The following FOXN2 variants were observed in gnomAD, a reference collection of about 807,000 sequenced individuals.
FOXN2 encodes the protein forkhead box N2.
FOXN2 carries 19 observed loss-of-function variants against 41.2 expected under a neutral mutation model. That is an observed-to-expected ratio of 0.46 (90% CI 0.32 to 0.68). FOXN2 has a LOEUF of 0.68. Among genes scored for constraint, FOXN2 ranks in the 30% least tolerant of loss-of-function variants. The pLI is 0.03. For missense variants in FOXN2, 587 were observed against 509.4 expected, an observed-to-expected ratio of 1.15 and a Z score of -1.47; for synonymous variants, 195 against 176.8, an observed-to-expected ratio of 1.10 and a Z score of -0.82.
chr2:48,340,362 C>T (rs953298923), intron 2 of FOXN2, among the ~76,000 whole-genome samples: 1 of 152,166 alleles, frequency 6.6e-6, no homozygotes, highest in African/African-American at 2.4e-5. Flanking sequence ...AGCAAAAATG[C>T]TCTCCTATGA....
chr2:48,360,753 C>G lies in FOXN2; in HGVS notation c.638+1606C>G, dbSNP rs537379375. Among the ~76,000 whole-genome samples the G allele has an allele frequency of 3.4e-5, 5 of 149,054 alleles. No individual in the cohort carries two copies. In the East Asian group the frequency reaches 9.7e-4, roughly 29 times the overall value. On this transcript the variant is annotated intron_variant, in intron 4 of 6. Coordinates refer to ENST00000340553, the MANE Select transcript of FOXN2 (RefSeq NM_002158.4). ...ATTTAGAAACTAATGGTGAGTTCTA[C>G]TGATGTTCACCTATGTGTTTTACTT...
chr2:48,315,169 G>A (rs1049568179), intron 1 of FOXN2, among the ~76,000 whole-genome samples: 1 of 152,154 alleles, frequency 6.6e-6, no homozygotes, highest in Non-Finnish European at 1.5e-5. Context: ...GCGTGGAGGG[G>A]GCCCCAAGGA....
chr2:48,316,897 A>G (rs1232636153), intron 1 of FOXN2, among the ~76,000 whole-genome samples: 1 of 151,946 alleles, frequency 6.6e-6, no homozygotes, highest in Non-Finnish European at 1.5e-5. Context: ...CAGCAACACC[A>G]TTTTATTGGA....
chr2:48,319,717 C>A (rs1224253238), intron 1 of FOXN2, among the ~76,000 whole-genome samples: 1 of 149,802 alleles, frequency 6.7e-6, no homozygotes, highest in Non-Finnish European at 1.5e-5. Flanking sequence ...CTCAAGTGAT[C>A]CTCCTGCCTC....
intron 3 of FOXN2, 150 bp from the exon 4 acceptor site, chr2:48,358,897 A>G: frequency 3.4e-6 from 2 of 579,822 alleles, no homozygotes; most frequent in Non-Finnish European, 6.1e-6. Flanking sequence ...TTTAGTCACT[A>G]CAGTGCACAC....
At position 48,362,724 on chromosome 2, in the gene FOXN2, G is replaced by A; in HGVS notation, c.703+17G>A. On this transcript the variant is annotated intron_variant, in intron 5 of 6. Transcript: ENST00000340553. ...ACCTCAAAGGTATGTGTGAATATCA[G>A]TACAGTCATGCACCACACAACAATC... is the stretch of plus-strand genomic sequence containing the variant. 2 of 1,597,224 alleles carry A rather than the reference G, an allele frequency of 1.3e-6. No individual in the cohort carries two copies. The highest frequency in any genetic ancestry group is 1.1e-5 in the South Asian group (1 of 90,774).
intron 4 of FOXN2, among the ~76,000 whole-genome samples, chr2:48,361,003 G>T (rs1477330679): frequency 7.7e-6 from 1 of 130,094 alleles, no homozygotes; most frequent in African/African-American, 2.8e-5. Flanking sequence ...GACAGACTGA[G>T]ACCCCATCTC....
chr2:48,320,472 G>A (rs1254520237), intron 1 of FOXN2, among the ~76,000 whole-genome samples: 1 of 151,986 alleles, frequency 6.6e-6, no homozygotes, highest in Non-Finnish European at 1.5e-5. Flanking sequence ...TGTATTTTTA[G>A]TAGAGACAAG....
intron 1 of FOXN2, among the ~76,000 whole-genome samples, chr2:48,324,052 CT>C (rs1489744572): frequency 6.6e-5 from 10 of 151,998 alleles, no homozygotes; most frequent in Non-Finnish European, 1.2e-4. Flanking sequence ...TAAAAATTTT[CT>C]TTTGCTATAC....
chr2:48,359,611 TC>T (rs1672043750), intron 4 of FOXN2, among the ~76,000 whole-genome samples: 1 of 150,116 alleles, frequency 6.7e-6, no homozygotes, highest in Admixed American at 6.7e-5. Context: ...TCTTTTCTTT[TC>T]TTTTCTTTTC....
At chr2:48,337,205 C>A (rs1182377424) in intron 2 of FOXN2, among the ~76,000 whole-genome samples, 6 of 151,926 alleles carry the variant, frequency 3.9e-5, no homozygotes, top group Admixed American at 3.9e-4. Context: ...TAAGTGAGAA[C>A]ATGCGACGTT....
intron 3 of FOXN2, among the ~76,000 whole-genome samples, chr2:48,349,875 A>G (rs1671345396): frequency 6.6e-6 from 1 of 152,232 alleles, no homozygotes; most frequent in Non-Finnish European, 1.5e-5. Context: ...ATGTAAGAAA[A>G]AGAAGCCACC....
At chr2:48,369,047 CATAA>C (rs1166400909) in intron 5 of FOXN2, among the ~76,000 whole-genome samples, 3 of 152,148 alleles carry the variant, frequency 2.0e-5, no homozygotes, top group Admixed American at 1.3e-4. Flanking sequence ...AGTTATCTAC[CATAA>C]ATAAATCTAT....
chr2:48,360,236 A>G (rs1401995696), intron 4 of FOXN2, among the ~76,000 whole-genome samples: 2 of 152,152 alleles, frequency 1.3e-5, no homozygotes, highest in Admixed American at 1.3e-4. Flanking sequence ...AATTTATTAT[A>G]TACCTTCATT....
intron 2 of FOXN2, among the ~76,000 whole-genome samples, chr2:48,331,406 A>G (rs530794111): frequency 3.3e-5 from 5 of 152,376 alleles, no homozygotes; most frequent in East Asian, 1.9e-4. Context: ...ATTCAATAAT[A>G]AAACTTTAAA....
intron 5 of FOXN2, among the ~76,000 whole-genome samples, chr2:48,367,728 A>T (rs569328650): frequency 2.3e-4 from 35 of 152,368 alleles, no homozygotes; most frequent in African/African-American, 7.0e-4. Context: ...CCTTACTCTC[A>T]TATGGCTAAA....
chr2:48,328,502 A>G (rs1301928984), intron 1 of FOXN2, 59 bp from the exon 2 acceptor site: 9 of 152,232 alleles, frequency 5.9e-5, no homozygotes, highest in African/African-American at 2.2e-4. Flanking sequence ...AAAAGTCTAT[A>G]TCTGTTCGTT....
intron 3 of FOXN2, among the ~76,000 whole-genome samples, chr2:48,350,954 T>C (rs1275833821): frequency 1.3e-5 from 2 of 152,142 alleles, no homozygotes; most frequent in Non-Finnish European, 2.9e-5. Context: ...GGATGGACTC[T>C]GTTACAATTT....
At chr2:48,335,355 A>G (rs1354890155) in intron 2 of FOXN2, among the ~76,000 whole-genome samples, 2 of 152,224 alleles carry the variant, frequency 1.3e-5, no homozygotes, top group Non-Finnish European at 2.9e-5. Context: ...TAGCATAATG[A>G]AAGGTAAATC....
Sources: gnomAD v4.1 joint callset for allele counts (sites outside exome capture counted in the v4.1 genomes callset) on GRCh38, gnomAD v4.1.1 for gene constraint, MANE v1.5 for transcripts, NCBI Gene and HGNC (gene_info 2026-07-23, HGNC 2026-07-21) for gene names.